NRXN3: variants seen among roughly 807,000 people sequenced by gnomAD.
NRXN3 encodes neurexin 3, also known as neurexin III.
NRXN3 carries 32 observed loss-of-function variants against 137.6 expected under a neutral mutation model. That is an observed-to-expected ratio of 0.23 (90% CI 0.18 to 0.31). The LOEUF (loss-of-function observed/expected upper bound fraction) is 0.31, where lower values mean the gene tolerates loss of function less well. Among genes scored for constraint, NRXN3 ranks in the 10% least tolerant of loss-of-function variants. The pLI is 1.00. For synonymous variants in NRXN3, 798 were observed against 784.5 expected (o/e 1.02, Z -0.29); for missense variants, 1,574 against 2,062.5 (o/e 0.76, Z 4.59).
chr14:79,576,460 A>C (rs1442146491), intron 16 of NRXN3, among the ~76,000 whole-genome samples: 1 of 152,216 alleles, frequency 6.6e-6, no homozygotes, highest in Admixed American at 6.5e-5. Flanking sequence ...TCTAAGCAAA[A>C]GAAAAAAGGA....
rs192135838 is a variant in NRXN3, at chr14:79,375,960, G to T, written c.3263-91261G>T. Among the ~76,000 whole-genome samples the T allele has an allele frequency of 8.2e-4, 123 of 150,548 alleles. 2 individuals carry two copies. In the East Asian group the frequency reaches 0.022, roughly 27 times the overall value. ...AAAGAATAAATCTTTAGAAAATAAT[G>T]TATGAGCATGGTTGAAAGAAGAAAT... On this transcript the variant is annotated intron_variant, in intron 15 of 20. Coordinates refer to ENST00000335750, the MANE Select transcript of NRXN3 (RefSeq NM_001330195.2).
At chr14:78,755,375 T>G (rs1357432436) in intron 8 of NRXN3, among the ~76,000 whole-genome samples, 1 of 152,088 alleles carries the variant, frequency 6.6e-6, no homozygotes, top group African/African-American at 2.4e-5. Flanking sequence ...GGCTGTTGGT[T>G]CTATCAGGAC....
At chr14:78,877,107 T>G (rs2099115719) in intron 10 of NRXN3, among the ~76,000 whole-genome samples, 1 of 152,230 alleles carries the variant, frequency 6.6e-6, no homozygotes, top group South Asian at 2.1e-4. Flanking sequence ...TACTCGATAT[T>G]GTAGACTTTC....
At chr14:79,752,821 TG>T (rs1406174450) in intron 19 of NRXN3, among the ~76,000 whole-genome samples, 1 of 152,150 alleles carries the variant, frequency 6.6e-6, no homozygotes, top group Non-Finnish European at 1.5e-5. Flanking sequence ...CCTACTCATC[TG>T]ACAAAGGGCT....
At chr14:79,485,323 G>A (rs75606611) in intron 16 of NRXN3, among the ~76,000 whole-genome samples, 3,288 of 152,236 alleles carry the variant, frequency 0.022, 48 homozygotes, top group Non-Finnish European at 0.035. Context: ...CCTTAAGAGA[G>A]TAAAGAATTT....
chr14:79,047,779 C>T (rs559926171), intron 15 of NRXN3, among the ~76,000 whole-genome samples: 2 of 152,128 alleles, frequency 1.3e-5, no homozygotes, highest in African/African-American at 2.4e-5. Context: ...AGACGGACAA[C>T]ACCAAATATT....
At chr14:78,758,342 G>A (rs991746985) in intron 8 of NRXN3, among the ~76,000 whole-genome samples, 4 of 152,186 alleles carry the variant, frequency 2.6e-5, no homozygotes, top group African/African-American at 9.7e-5. Flanking sequence ...AAAAATGTAA[G>A]AAAGGTACTT....
intron 15 of NRXN3, among the ~76,000 whole-genome samples, chr14:79,071,612 T>G (rs1265766981): frequency 1.3e-5 from 2 of 152,018 alleles, no homozygotes; most frequent in East Asian, 3.9e-4. Flanking sequence ...AGCTAAAAAT[T>G]TAAACAATTG....
intron 4 of NRXN3, among the ~76,000 whole-genome samples, chr14:78,469,158 T>G (rs555655373): frequency 3.9e-5 from 6 of 152,198 alleles, no homozygotes; most frequent in African/African-American, 1.2e-4. Context: ...TAAGCTTAAA[T>G]TTCTGGGTAG....
intron 19 of NRXN3, among the ~76,000 whole-genome samples, chr14:79,704,019 T>G (rs984844448): frequency 2.0e-5 from 3 of 152,078 alleles, no homozygotes; most frequent in Non-Finnish European, 4.4e-5. Flanking sequence ...GGGCCTGGAT[T>G]GTGAGTTCTT....
At chr14:79,487,353 C>T (rs2096666790) in intron 16 of NRXN3, among the ~76,000 whole-genome samples, 2 of 151,218 alleles carry the variant, frequency 1.3e-5, no homozygotes, top group South Asian at 4.2e-4. Flanking sequence ...CATGTTTCAC[C>T]ATGTGCTACA....
intron 15 of NRXN3, among the ~76,000 whole-genome samples, chr14:79,331,079 T>C (rs1477679338): frequency 6.6e-6 from 1 of 152,198 alleles, no homozygotes; most frequent in African/African-American, 2.4e-5. Context: ...ACAGATGCAG[T>C]CTAGGGATGC....
chr14:78,379,919 G>A (rs2088716650), intron 4 of NRXN3, among the ~76,000 whole-genome samples: 1 of 152,076 alleles, frequency 6.6e-6, no homozygotes, highest in Non-Finnish European at 1.5e-5. Context: ...AATATACAAA[G>A]AACAATTGTA....
chr14:79,493,444 G>A (rs569625024), intron 16 of NRXN3, among the ~76,000 whole-genome samples: 11 of 152,320 alleles, frequency 7.2e-5, no homozygotes, highest in Admixed American at 7.2e-4. Context: ...CTTGATAGAT[G>A]CATCCTGGAA....
intron 1 of NRXN3, among the ~76,000 whole-genome samples, chr14:78,226,397 T>G (rs2064675912): frequency 1.3e-5 from 2 of 152,184 alleles, no homozygotes; most frequent in Admixed American, 6.5e-5. Context: ...AACTCCCTCT[T>G]GTCACCTTCA....
intron 15 of NRXN3, among the ~76,000 whole-genome samples, chr14:79,019,324 T>A (rs2099584881): frequency 6.6e-6 from 1 of 152,234 alleles, no homozygotes; most frequent in South Asian, 2.1e-4. Flanking sequence ...TTTGCATATA[T>A]CTTATGCCAT....
chr14:78,903,803 A>G (rs2099205739), intron 10 of NRXN3, among the ~76,000 whole-genome samples: 1 of 152,086 alleles, frequency 6.6e-6, no homozygotes, highest in Non-Finnish European at 1.5e-5. Context: ...CCAGTGGCCC[A>G]ATTTTATATG....
At chr14:79,751,784 G>A (rs1307821524) in intron 19 of NRXN3, among the ~76,000 whole-genome samples, 3 of 151,756 alleles carry the variant, frequency 2.0e-5, no homozygotes, top group East Asian at 1.9e-4. Flanking sequence ...AGCATGAAGG[G>A]CTGTTGAATT....
At chr14:78,487,409 A>G (rs1039437115) in intron 4 of NRXN3, among the ~76,000 whole-genome samples, 2 of 152,090 alleles carry the variant, frequency 1.3e-5, no homozygotes, top group African/African-American at 4.8e-5. Context: ...TGCCAAGGAA[A>G]TGTTTGTCTT....
Sources: allele counts gnomAD v4.1 joint callset (sites outside exome capture counted in the v4.1 genomes callset), GRCh38; gene constraint gnomAD v4.1.1; transcripts MANE v1.5; gene names NCBI Gene and HGNC (gene_info 2026-07-23, HGNC 2026-07-21).